The following CHFR variants were observed in gnomAD, a reference collection of about 807,000 sequenced individuals.
The protein encoded by CHFR is checkpoint with forkhead and ring finger domains, also known as E3 ubiquitin-protein ligase CHFR.
In CHFR, 57 loss-of-function variants were observed where a neutral mutation model predicts 87.6. That is an observed-to-expected ratio of 0.65 (90% CI 0.53 to 0.81). The LOEUF (loss-of-function observed/expected upper bound fraction) is 0.81, where lower values mean the gene tolerates loss of function less well. CHFR is among the 30% of genes least tolerant of loss of function. The pLI, the probability that CHFR is intolerant of heterozygous loss-of-function variation, is 0.00. For missense variants in CHFR, 797 were observed against 865.8 expected (o/e 0.92, Z 1.00); for synonymous variants, 381 against 359.2 (o/e 1.06, Z -0.69).
rs1265969471 is a variant in CHFR, at chr12:132,844,134, T to C, written c.1736A>G (p.Asp579Gly). Residue 579 changes from aspartate to glycine, a missense_variant and splice_region_variant, in exon 16 of 18, where the codon GAT becomes GGT. This residue lies in a region of CHFR where 200 missense variants were observed against 264.6 expected (regional missense o/e 0.76). Transcript: ENST00000450056. ...ALQRGVFLLS[D>G]YRVTGDTVLC... ...AACGGTGTCTCCCGTGACTCTGTAA[T>C]CTGGAAGAAACACAGCCAGTTACCC... The C allele has an allele frequency of 5.0e-6, 8 of 1,606,998 alleles. No homozygotes were observed. Among genetic ancestry groups the C allele is most frequent in the Non-Finnish European group, 6.8e-6 (8 of 1,174,846 alleles).
At position 132,857,510 on chromosome 12, in the gene CHFR, T is replaced by G; in HGVS notation, c.961A>C (p.Met321Leu). ...GTAGGACACAGGGACGAGCGCTCCATCCAGCCCGAGTAGCAAGCCGCGCAG... is the reference window on the plus strand; with the variant it reads ...GTAGGACACAGGGACGAGCGCTCCAGCCAGCCCGAGTAGCAAGCCGCGCAG... ...TFCAACYSGW[M>L]ERSSLCPTCR... is the part of the protein sequence containing the mutation. The change falls in exon 9 of 18, where the codon ATG (methionine) becomes CTG (leucine). Residue 321 changes from methionine to leucine, a missense_variant. Transcript: ENST00000450056. 1 of 1,614,164 alleles carries G rather than the reference T, an allele frequency of 6.2e-7. No individual in the cohort carries two copies. The highest frequency in any genetic ancestry group is 8.5e-7 in the Non-Finnish European group (1 of 1,180,030).
rs2136896114 is a variant in CHFR, at chr12:132,835,461, T to C, written c.*6093A>G. 1 of 154,304 alleles carries C rather than the reference T, an allele frequency of 6.5e-6. No homozygotes were observed. The highest frequency in any genetic ancestry group is 2.0e-4 in the South Asian group (1 of 5,014). 9.6% of individuals were successfully genotyped at this position (154,304 alleles called of 1,614,324 possible). A position where few individuals can be genotyped will look rare whatever the true frequency, so the allele number is the denominator to read the frequency against. ...TCTATATCGTTCCAGTTTTAGTAGG[T>C]GTGGTCTTTAAAGAGGTGATTAAGA... On this transcript the variant is annotated 3_prime_UTR_variant, in exon 18 of 18. Transcript: ENST00000450056.
At chr12:132,847,941 C>T (rs1950862147) in intron 14 of CHFR, 144 bp downstream of exon 14, 3 of 1,505,978 alleles carry the variant, frequency 2.0e-6, no homozygotes, top group Non-Finnish European at 2.7e-6. Context: ...GCTGGCTGCA[C>T]CAGTGAGGAA....
Position 132,877,046 on chromosome 12 carries a change from C to A in CHFR, c.233+509G>T, listed in dbSNP as rs575234288. Among the ~76,000 whole-genome samples the A allele has an allele frequency of 2.0e-5, 3 of 152,290 alleles. No homozygotes were observed. The South Asian group carries it at 6.2e-4, about 32-fold the overall frequency. The stretch of plus-strand genomic sequence containing the variant: ...CTGACCTCAGGTGATCCAACTGCCT[C>A]AGCCTCCCAAAGTGCTGGGATTACA... On this transcript the variant is annotated intron_variant, in intron 3 of 17. Coordinates refer to ENST00000450056, the MANE Select transcript of CHFR (RefSeq NM_001161346.2).
Position 132,841,387 on chromosome 12 carries a change from C to T in CHFR, c.*167G>A. 1 of 613,536 alleles carries T rather than the reference C, an allele frequency of 1.6e-6. No homozygotes were observed. The highest frequency in any genetic ancestry group is 2.7e-5 in the East Asian group (1 of 37,214). The allele number at this position is 613,536 out of a possible 1,614,324, so 38.0% of individuals were successfully genotyped here. A position where few individuals can be genotyped will look rare whatever the true frequency, so the allele number is the denominator to read the frequency against. On this transcript the variant is annotated 3_prime_UTR_variant, in exon 18 of 18. Transcript: ENST00000450056. ...CCCCGGGGCTCTGGGGAGGGTCTCACTCAGAGGGTAAAGCTCCACAGAAGA... is the reference window on the plus strand; with the variant it reads ...CCCCGGGGCTCTGGGGAGGGTCTCATTCAGAGGGTAAAGCTCCACAGAAGA...
At chr12:132,881,461 G>C (rs1230132720) in intron 2 of CHFR, among the ~76,000 whole-genome samples, 1 of 152,180 alleles carries the variant, frequency 6.6e-6, no homozygotes, top group Non-Finnish European at 1.5e-5. Context: ...TCAAAGAAGA[G>C]ATATGGATGG....
At position 132,887,360 on chromosome 12, in the gene CHFR, GC is replaced by G. The variant is rs1024302441; in HGVS notation, c.-12-21del. 2.2e-6 allele frequency: 3 copies of G among 1,348,654 alleles called. No homozygotes were observed. Among genetic ancestry groups the G allele is most frequent in the Admixed American group, 3.5e-5 (1 of 28,252 alleles). The allele number at this position is 1,348,654 out of a possible 1,614,324, so 83.5% of individuals were successfully genotyped here. A position where few individuals can be genotyped will look rare whatever the true frequency, so the allele number is the denominator to read the frequency against. ...TCACATCTGCGGAGACCCCGGAAAC[GC>G]CCATGGAGACTCCCGACCCCAGAGG... On this transcript the variant is annotated intron_variant, in intron 1 of 17. Coordinates refer to ENST00000450056, the MANE Select transcript of CHFR (RefSeq NM_001161346.2).
intron 2 of CHFR, among the ~76,000 whole-genome samples, chr12:132,878,819 C>CAAA (rs1428247842): frequency 1.7e-5 from 1 of 58,844 alleles, no homozygotes. Flanking sequence ...GACTCTGTCT[C>CAAA]AAAAAAAAAA....
Position 132,887,529 on chromosome 12 carries a change from C to A in CHFR, c.-13+18G>T, listed in dbSNP as rs534792641. On this transcript the variant is annotated intron_variant, in intron 1 of 17. Coordinates refer to ENST00000450056, the MANE Select transcript of CHFR (RefSeq NM_001161346.2). ...CCCCTTCGCCGCCCGCCGCAGCCCC[C>A]TCGCCAGCCGCGCTTACCCCCGCCC... 3,227 of 186,312 alleles carry A rather than the reference C, an allele frequency of 0.017. 52 individuals carry two copies. The highest frequency in any genetic ancestry group is 0.019 in the Non-Finnish European group (1,920 of 99,242). 11.5% of individuals were successfully genotyped at this position (186,312 alleles called of 1,614,324 possible).
rs1043532053 is a variant in CHFR, at chr12:132,848,069, C to G, written c.1647+16G>C. On this transcript the variant is annotated intron_variant, in intron 14 of 17. Coordinates refer to ENST00000450056, the MANE Select transcript of CHFR (RefSeq NM_001161346.2). ...AAATGTGGCTCCCGGCTCCCCAGCCCGCAGCGAGTCGGTACCTTCAGGATG... is the reference window on the plus strand; with the variant it reads ...AAATGTGGCTCCCGGCTCCCCAGCCGGCAGCGAGTCGGTACCTTCAGGATG... 4 of 1,613,954 alleles carry G rather than the reference C, an allele frequency of 2.5e-6. No individual in the cohort carries two copies. The East Asian group carries it at 6.7e-5, about 27-fold the overall frequency.
At chr12:132,869,975 G>A (rs1951447075) in intron 5 of CHFR, 177 bp from the exon 6 acceptor site, 5 of 694,880 alleles carry the variant, frequency 7.2e-6, no homozygotes, top group South Asian at 3.7e-5. Context: ...TTGGGAAGTC[G>A]AGGCAGGTGT....
At chr12:132,868,033 TA>T (rs1276609913) in intron 6 of CHFR, 1 of 152,022 alleles carries the variant, frequency 6.6e-6, no homozygotes, top group Non-Finnish European at 1.5e-5. Flanking sequence ...TGACAAACCC[TA>T]AAAGAAAACA....
At chr12:132,852,267 C>T (rs1404684348) in intron 11 of CHFR, among the ~76,000 whole-genome samples, 2 of 152,052 alleles carry the variant, frequency 1.3e-5, no homozygotes, top group African/African-American at 4.8e-5. Context: ...GGATTACAGG[C>T]ATGAGCCACC....
chr12:132,887,319 G>A lies in CHFR; in HGVS notation c.10C>T (p.Pro4Ser), dbSNP rs1252988651. The part of the protein sequence containing the change: MER[P>S]EEGKQSPPPQ... ...GGCGGCGACTGCTTGCCTTCCTCGGGCCGCTCCATCGGGATTCACATCTGC... is the reference window on the plus strand; with the variant it reads ...GGCGGCGACTGCTTGCCTTCCTCGGACCGCTCCATCGGGATTCACATCTGC... Residue 4 changes from proline to serine, a missense_variant, in exon 2 of 18, where the codon CCC (proline) becomes TCC (serine). Coordinates refer to ENST00000450056, the MANE Select transcript of CHFR (RefSeq NM_001161346.2). The A allele has an allele frequency of 4.8e-6, 7 of 1,472,282 alleles. No homozygotes were observed. The highest frequency in any genetic ancestry group is 6.3e-6 in the Non-Finnish European group (7 of 1,118,260). The allele number at this position is 1,472,282 out of a possible 1,614,324, so 91.2% of individuals were successfully genotyped here.
chr12:132,871,560 T>C (rs1951489994), intron 4 of CHFR, among the ~76,000 whole-genome samples: 1 of 151,436 alleles, frequency 6.6e-6, no homozygotes, highest in Admixed American at 6.6e-5. Flanking sequence ...TCACCTGAGG[T>C]CGGGAGTTTG....
chr12:132,882,536 G>A (rs1476714062), intron 2 of CHFR, among the ~76,000 whole-genome samples: 1 of 152,108 alleles, frequency 6.6e-6, no homozygotes, highest in East Asian at 1.9e-4. Context: ...CAAACATTCT[G>A]TACTATTGGA....
chr12:132,848,193 G>C, intron 13 of CHFR, 38 bp from the exon 14 acceptor site: 1 of 1,613,944 alleles, frequency 6.2e-7, no homozygotes, highest in Non-Finnish European at 8.5e-7. Flanking sequence ...TGTTTATAAT[G>C]ATGTCGCAGG....
intron 9 of CHFR, 163 bp from the exon 10 acceptor site, chr12:132,856,793 C>T (rs1269138760): frequency 2.4e-6 from 2 of 818,874 alleles, no homozygotes; most frequent in Non-Finnish European, 4.2e-6. Flanking sequence ...CCTCACGTGC[C>T]CAGGTGCTGG....
At position 132,832,580 on chromosome 12, in the gene CHFR, T is replaced by C. The variant is rs1461173510; in HGVS notation, c.*8974A>G. The C allele has an allele frequency of 1.3e-5, 2 of 152,178 alleles. No homozygotes were observed. The highest frequency in any genetic ancestry group is 1.3e-4 in the Admixed American group (2 of 15,256). The allele number at this position is 152,178 out of a possible 1,614,324, so 9.4% of individuals were successfully genotyped here. ...TGTCTGTATTAAAATATCAAGGTAC[T>C]CCATAAATATATACACCTTTTATGT... On this transcript the variant is annotated 3_prime_UTR_variant, in exon 18 of 18. Coordinates refer to ENST00000450056, the MANE Select transcript of CHFR (RefSeq NM_001161346.2).
Sources: gnomAD v4.1 joint callset for allele counts (sites outside exome capture counted in the v4.1 genomes callset) on GRCh38, gnomAD v4.1.1 for gene constraint, gnomAD v4.1.1 regional missense constraint, MANE v1.5 for transcripts, NCBI Gene and HGNC (gene_info 2026-07-23, HGNC 2026-07-21) for gene names.